MBOAT2: variants seen among roughly 807,000 people sequenced by gnomAD.
MBOAT2 encodes the protein membrane-bound glycerophospholipid O-acyltransferase 2.
MBOAT2 carries 28 observed loss-of-function variants against 63.4 expected under a neutral mutation model. The observed-to-expected ratio is 0.44, with a 90% confidence interval of 0.33 to 0.61. The LOEUF is 0.61. MBOAT2 is among the 20% of genes least tolerant of loss of function. The probability of loss-of-function intolerance (pLI) is 0.03; values close to 1 mark genes in which losing one functional copy is unlikely to be tolerated. For synonymous variants in MBOAT2, 211 were observed against 215.6 expected, an observed-to-expected ratio of 0.98 and a Z score of 0.19; for missense variants, 470 against 605.8, an observed-to-expected ratio of 0.78 and a Z score of 2.35.
At chr2:8,938,373 T>G (rs781658584) in intron 3 of MBOAT2, among the ~76,000 whole-genome samples, 29 of 151,972 alleles carry the variant, frequency 1.9e-4, no homozygotes, top group Non-Finnish European at 2.6e-4. Context: ...GCACACGCTC[T>G]CTCTCTAGCA....
chr2:8,948,913 C>T (rs1668614800), intron 2 of MBOAT2, among the ~76,000 whole-genome samples: 2 of 152,176 alleles, frequency 1.3e-5, no homozygotes, highest in Non-Finnish European at 2.9e-5. Flanking sequence ...AAGAAATCTG[C>T]AAACTGCTTT....
At position 8,854,949 on chromosome 2, in the gene MBOAT2, T is replaced by C. The variant is rs980781203; in HGVS notation, c.*3730A>G. The C allele has an allele frequency of 4.6e-5, 7 of 152,234 alleles. No individual in the cohort carries two copies. Among genetic ancestry groups the C allele is most frequent in the African/African-American group, 1.7e-4 (7 of 41,450 alleles). The allele number at this position is 152,234 out of a possible 1,614,324, so 9.4% of individuals were successfully genotyped here. On this transcript the variant is annotated 3_prime_UTR_variant, in exon 13 of 13. Transcript: ENST00000305997. ...TGTATAAAATATTTCAGAGCATATA[T>C]CTTCTCCAATTCCACACAGCACAGA...
Position 8,867,983 on chromosome 2 carries a change from C to T in MBOAT2, c.987+463G>A, listed in dbSNP as rs543810335. Reference sequence around the variant, plus strand: ...TGGCCTCCACTTCCCCAACCTCATCCTTCATGACTCCCTAAACTATGAAGC... The same window carrying T: ...TGGCCTCCACTTCCCCAACCTCATCTTTCATGACTCCCTAAACTATGAAGC... On this transcript the variant is annotated intron_variant, in intron 9 of 12. Transcript: ENST00000305997. 1.5e-3 allele frequency among the ~76,000 whole-genome samples: 231 copies of T among 152,260 alleles called. 2 individuals are homozygous for T. Among genetic ancestry groups the T allele is most frequent in the Admixed American group, 2.3e-3 (35 of 15,296 alleles).
chr2:8,933,237 G>A (rs560242238), intron 3 of MBOAT2, among the ~76,000 whole-genome samples: 2 of 152,240 alleles, frequency 1.3e-5, no homozygotes, highest in Non-Finnish European at 2.9e-5. Context: ...TTATCATAAA[G>A]AGTAATATTC....
intron 2 of MBOAT2, among the ~76,000 whole-genome samples, chr2:8,950,302 C>T (rs1271350533): frequency 2.0e-5 from 3 of 152,098 alleles, no homozygotes; most frequent in Non-Finnish European, 4.4e-5. Flanking sequence ...TATTTGGATG[C>T]CTTTTATTTC....
At chr2:8,992,603 T>C (rs1671991678) in intron 1 of MBOAT2, among the ~76,000 whole-genome samples, 2 of 152,264 alleles carry the variant, frequency 1.3e-5, no homozygotes, top group South Asian at 4.1e-4. Flanking sequence ...ATACATGTAT[T>C]GAACTACTTA....
intron 4 of MBOAT2, among the ~76,000 whole-genome samples, chr2:8,888,613 C>T (rs1663738679): frequency 6.6e-6 from 1 of 152,088 alleles, no homozygotes; most frequent in African/African-American, 2.4e-5. Context: ...ATTATTTTCC[C>T]ATATCTTATA....
chr2:8,962,872 G>T (rs1669710622), intron 1 of MBOAT2, among the ~76,000 whole-genome samples: 1 of 152,022 alleles, frequency 6.6e-6, no homozygotes, highest in East Asian at 1.9e-4. Context: ...ATACACACAT[G>T]GGATATGTAA....
chr2:8,892,516 T>C (rs890692904), intron 4 of MBOAT2, among the ~76,000 whole-genome samples: 3 of 152,224 alleles, frequency 2.0e-5, no homozygotes, highest in Admixed American at 6.5e-5. Context: ...CAAGTACTGT[T>C]CTATGTGCCA....
chr2:8,914,309 A>G (rs971664917), intron 3 of MBOAT2, among the ~76,000 whole-genome samples: 1 of 152,184 alleles, frequency 6.6e-6, no homozygotes, highest in Non-Finnish European at 1.5e-5. Flanking sequence ...ACAAAAAAAC[A>G]AAAACAATCT....
intron 3 of MBOAT2, among the ~76,000 whole-genome samples, chr2:8,916,346 CA>C (rs1487681821): frequency 1.3e-5 from 2 of 152,262 alleles, no homozygotes; most frequent in African/African-American, 4.8e-5. Flanking sequence ...TTACTAATAT[CA>C]AAATAAAATC....
In MBOAT2 at chr2:8,964,745, C is replaced by T. The variant is rs534066230; in HGVS notation, c.76-6103G>A. Among the ~76,000 whole-genome samples the T allele has an allele frequency of 3.3e-5, 5 of 152,324 alleles. No individual in the cohort carries two copies. In the South Asian group the frequency reaches 1.0e-3, roughly 32 times the overall value. On this transcript the variant is annotated intron_variant, in intron 1 of 12. Transcript: ENST00000305997. ...TTCCACTGCTCCATATTCTTGACAA[C>T]ACTTGGTACTGTCAGACTACTAATT...
In MBOAT2 at chr2:8,877,129, G is replaced by A. The variant is rs776201047; in HGVS notation, c.591C>T (p.Asp197=). ...ATCTGCCTTCAATGAAAGTAATGTA[G>A]TCTTTGTAAGAGCAAAGTGGGCCTG... ...ILAGPLCSYK[D]YITFIEGRSY... is the part of the protein sequence containing the mutation. The change falls in exon 7 of 13, where the codon GAC becomes GAT. Residue 197 remains aspartate (D), a synonymous_variant. Transcript: ENST00000305997. The A allele has an allele frequency of 2.5e-6, 4 of 1,613,932 alleles. No individual in the cohort carries two copies. The African/African-American group carries it at 5.3e-5, about 22-fold the overall frequency.
intron 1 of MBOAT2, among the ~76,000 whole-genome samples, chr2:8,982,465 T>G (rs139652373): frequency 6.6e-6 from 1 of 152,326 alleles, no homozygotes; most frequent in African/African-American, 2.4e-5. Context: ...TTGGTCAGAG[T>G]AACTTCTTCT....
At chr2:8,936,035 G>A (rs1667637767) in intron 3 of MBOAT2, among the ~76,000 whole-genome samples, 1 of 151,772 alleles carries the variant, frequency 6.6e-6, no homozygotes, top group Admixed American at 6.6e-5. Context: ...TACTGAATAC[G>A]GTCAGTGGCT....
At chr2:8,884,333 C>G (rs539850817) in intron 5 of MBOAT2, among the ~76,000 whole-genome samples, 31 of 149,090 alleles carry the variant, frequency 2.1e-4, no homozygotes, top group South Asian at 1.3e-3. Context: ...TTTTTATAAT[C>G]AGGAGGAAAA....
intron 6 of MBOAT2, among the ~76,000 whole-genome samples, chr2:8,878,271 T>A (rs139073414): frequency 6.6e-6 from 1 of 152,266 alleles, no homozygotes; most frequent in African/African-American, 2.4e-5. Context: ...CAGGAGACTA[T>A]TTAGACTATT....
At chr2:8,893,267 GTAAC>G (rs1411848580) in intron 4 of MBOAT2, among the ~76,000 whole-genome samples, 2 of 152,096 alleles carry the variant, frequency 1.3e-5, no homozygotes, top group African/African-American at 4.8e-5. Flanking sequence ...TTTGACCAGG[GTAAC>G]TAACTAGGAG....
intron 2 of MBOAT2, among the ~76,000 whole-genome samples, chr2:8,951,562 C>CT (rs923768322): frequency 1.3e-5 from 2 of 152,004 alleles, no homozygotes; most frequent in Non-Finnish European, 2.9e-5. Context: ...TGGTCAAGGG[C>CT]TTTTTTTGTG....
Sources: allele counts gnomAD v4.1 joint callset (sites outside exome capture counted in the v4.1 genomes callset), GRCh38; gene constraint gnomAD v4.1.1; transcripts MANE v1.5; gene names NCBI Gene and HGNC (gene_info 2026-07-23, HGNC 2026-07-21).